SCML4: variants seen among roughly 807,000 people sequenced by gnomAD.
SCML4 encodes sex comb on midleg-like protein 4.
In SCML4, 34 loss-of-function variants were observed where a neutral mutation model predicts 41.1. That is an observed-to-expected ratio of 0.83 (90% confidence interval 0.63 to 1.10). The LOEUF (loss-of-function observed/expected upper bound fraction) is 1.10. Among genes scored for constraint, SCML4 ranks in the 50% least tolerant of loss-of-function variants. The probability of loss-of-function intolerance (pLI) is 0.00; values close to 1 mark genes in which losing one functional copy is unlikely to be tolerated. For missense variants in SCML4, 522 were observed against 534.1 expected, an observed-to-expected ratio of 0.98 and a Z score of 0.22; for synonymous variants, 214 against 220.9, an observed-to-expected ratio of 0.97 and a Z score of 0.28.
chr6:107,736,916 C>G (rs1777128355), intron 5 of SCML4, among the ~76,000 whole-genome samples: 1 of 152,206 alleles, frequency 6.6e-6, no homozygotes, highest in African/African-American at 2.4e-5. Context: ...ATCTGTATAT[C>G]AAAGAAGCTA....
At chr6:107,753,876 C>T (rs2114519744) in intron 2 of SCML4, among the ~76,000 whole-genome samples, 1 of 152,236 alleles carries the variant, frequency 6.6e-6, no homozygotes, top group East Asian at 1.9e-4. Context: ...CCATCTATTG[C>T]AACAGGAAGG....
At chr6:107,805,650 C>T (rs1265225667) in intron 1 of SCML4, among the ~76,000 whole-genome samples, 3 of 152,176 alleles carry the variant, frequency 2.0e-5, no homozygotes, top group African/African-American at 7.2e-5. Flanking sequence ...CAGCCAAAGC[C>T]ACATTTTCAA....
At chr6:107,754,637 G>T (rs1778956852) in intron 2 of SCML4, among the ~76,000 whole-genome samples, 1 of 152,174 alleles carries the variant, frequency 6.6e-6, no homozygotes, top group Non-Finnish European at 1.5e-5. Context: ...GGGGAAAAAT[G>T]GAATTGGCAA....
rs148269017 is a variant in SCML4 at position 107,720,834 on chromosome 6, C to A, written c.842G>T (p.Gly281Val). The change falls in exon 6 of 8, where the codon GGT becomes GTT. Residue 281 changes from glycine (G) to valine (V), a missense_variant. By Grantham distance (109) the Gly-to-Val change is moderately radical. Coordinates refer to ENST00000369020, the MANE Select transcript of SCML4 (RefSeq NM_198081.5). ...ACCACCAGCGGTGGCAGCAGGACCA[C>A]CCCCAAGGTGGCTGTCTCCAGAGTT... The part of the protein sequence containing the change: ...RQNSGDSHLG[G>V]GPAATAGGPR... 5 of 1,614,092 alleles carry A rather than the reference C, an allele frequency of 3.1e-6. No individual in the cohort carries two copies. Among genetic ancestry groups the A allele is most frequent in the Non-Finnish European group, 3.4e-6 (4 of 1,179,968 alleles).
chr6:107,826,039 T>C (rs1785243172), upstream of SCML4, among the ~76,000 whole-genome samples: 1 of 145,006 alleles, frequency 6.9e-6, no homozygotes, highest in South Asian at 2.2e-4. Context: ...AGGTTAGGAG[T>C]TCGAGACCAG....
At chr6:107,743,710 C>T (rs1583465740) in intron 5 of SCML4, among the ~76,000 whole-genome samples, 2 of 152,168 alleles carry the variant, frequency 1.3e-5, no homozygotes, top group East Asian at 3.9e-4. Context: ...CTGCTCACAC[C>T]AACCATATTT....
intron 2 of SCML4, among the ~76,000 whole-genome samples, chr6:107,768,854 G>A (rs1461301895): frequency 6.6e-6 from 1 of 152,164 alleles, no homozygotes; most frequent in East Asian, 1.9e-4. Context: ...TCCCAACCAG[G>A]AAGACACAGA....
intron 1 of SCML4, among the ~76,000 whole-genome samples, chr6:107,802,293 G>A (rs1467011671): frequency 6.6e-6 from 1 of 152,138 alleles, no homozygotes; most frequent in Non-Finnish European, 1.5e-5. Flanking sequence ...TGATGGCAGT[G>A]AGCATGTTAT....
chr6:107,794,453 G>A (rs1256080853), intron 1 of SCML4, among the ~76,000 whole-genome samples: 1 of 152,070 alleles, frequency 6.6e-6, no homozygotes, highest in African/African-American at 2.4e-5. Context: ...GTATTAGTCT[G>A]GTGGAAAACA....
chr6:107,801,931 ATT>A (rs11287590), intron 1 of SCML4, among the ~76,000 whole-genome samples: 2 of 145,594 alleles, frequency 1.4e-5, no homozygotes, highest in African/African-American at 2.5e-5. Context: ...CACCTGGCTA[ATT>A]TTTTTTTTTT....
chr6:107,725,565 T>C (rs1378110873), intron 5 of SCML4, among the ~76,000 whole-genome samples: 1 of 152,128 alleles, frequency 6.6e-6, no homozygotes, highest in African/African-American at 2.4e-5. Context: ...GATATCCACA[T>C]GTAAAAGACT....
intron 6 of SCML4, among the ~76,000 whole-genome samples, chr6:107,714,206 T>G (rs79228440): frequency 0.018 from 2,727 of 152,314 alleles, 47 homozygotes; most frequent in Non-Finnish European, 0.027. Flanking sequence ...GGAGAGAGCA[T>G]GTCTCTAGAA....
chr6:107,827,542 T>C (rs567103885), upstream of SCML4, among the ~76,000 whole-genome samples: 9 of 152,224 alleles, frequency 5.9e-5, no homozygotes, highest in East Asian at 1.3e-3. Flanking sequence ...AAAAAGAAAT[T>C]TGATGGGATG....
chr6:107,776,832 C>CA (rs1161998101), intron 1 of SCML4, among the ~76,000 whole-genome samples: 5 of 152,224 alleles, frequency 3.3e-5, no homozygotes, highest in African/African-American at 1.2e-4. Context: ...AAATGTCCCT[C>CA]AAAACAACAG....
intron 2 of SCML4, among the ~76,000 whole-genome samples, chr6:107,766,175 G>C (rs902943229): frequency 7.2e-5 from 11 of 152,148 alleles, no homozygotes; most frequent in African/African-American, 2.2e-4. Context: ...TTCAAGACCA[G>C]GCTGGTCAAC....
chr6:107,736,255 G>A (rs148899670), intron 5 of SCML4, among the ~76,000 whole-genome samples: 3 of 152,276 alleles, frequency 2.0e-5, no homozygotes, highest in African/African-American at 7.2e-5. Flanking sequence ...TGAGGGCTGG[G>A]GTTTGTTCTG....
At chr6:107,797,481 C>T (rs771196859) in intron 1 of SCML4, among the ~76,000 whole-genome samples, 7 of 151,964 alleles carry the variant, frequency 4.6e-5, no homozygotes, top group Non-Finnish European at 1.0e-4. Context: ...ACTTTGTATA[C>T]GACTAGTAAA....
intron 1 of SCML4, among the ~76,000 whole-genome samples, chr6:107,779,744 G>T (rs948232780): frequency 6.6e-6 from 1 of 152,126 alleles, no homozygotes; most frequent in East Asian, 1.9e-4. Flanking sequence ...CCTAATGCTC[G>T]TGTGTCTGCA....
chr6:107,821,403 G>A (rs1562292689), intron 1 of SCML4, among the ~76,000 whole-genome samples: 1 of 152,294 alleles, frequency 6.6e-6, no homozygotes, highest in Non-Finnish European at 1.5e-5. Context: ...GGGAGGCATT[G>A]TTTAAAAGTT....
Sources: allele counts gnomAD v4.1 joint callset (sites outside exome capture counted in the v4.1 genomes callset), GRCh38; gene constraint gnomAD v4.1.1; transcripts MANE v1.5; gene names NCBI Gene and HGNC (gene_info 2026-07-23, HGNC 2026-07-21).